Variants in IFT122 observed in about 807,000 individuals in gnomAD.
IFT122 encodes intraflagellar transport 122, also known as intraflagellar transport protein 122 homolog.
In IFT122, 118 loss-of-function variants were observed where a neutral mutation model predicts 161.6. The observed-to-expected ratio is 0.73, with a 90% CI of 0.63 to 0.85. The LOEUF (loss-of-function observed/expected upper bound fraction) is 0.85, where lower values mean the gene tolerates loss of function less well. Ranked by LOEUF, IFT122 falls within the 40% of genes least tolerant of loss-of-function variation. IFT122 has a pLI of 0.00. For synonymous variants in IFT122, 550 were observed against 602.4 expected, an observed-to-expected ratio of 0.91 and a Z score of 1.27; for missense variants, 1,381 against 1,579.6, an observed-to-expected ratio of 0.87 and a Z score of 2.13.
At chr3:129,492,263 C>A in intron 17 of IFT122, 69 bp downstream of exon 17, 1 of 1,200,960 alleles carries the variant, frequency 8.3e-7, no homozygotes, top group Non-Finnish European at 1.2e-6. Context: ...GGCAGCCCTT[C>A]TAACAGGCAA....
rs769357574 is a variant in IFT122 at position 129,482,286 on chromosome 3, G to A, written c.1653+592G>A. On this transcript the variant is annotated intron_variant, in intron 14 of 29. Transcript: ENST00000348417. ...ATCCAGCCCTGTGGCCTGAGGAAGTGTGTCACCAGAGAAGACAGCCCGGCA... is the reference window on the plus strand; with the variant it reads ...ATCCAGCCCTGTGGCCTGAGGAAGTATGTCACCAGAGAAGACAGCCCGGCA... 6.6e-5 allele frequency among the ~76,000 whole-genome samples: 10 copies of A among 152,362 alleles called. No individual in the cohort carries two copies. The East Asian group carries it at 9.7e-4, about 15-fold the overall frequency.
chr3:129,440,354 A>G lies in IFT122; in HGVS notation c.24A>G (p.Arg8=), dbSNP rs2072782574. MRAVLTW[R]DKAEHCINDI... Reference sequence around the variant, plus strand: ...TGATGAGGGCCGTGTTGACGTGGAGAGATAAAGCCGAGCACTGGTGAGGAG... The same window carrying G: ...TGATGAGGGCCGTGTTGACGTGGAGGGATAAAGCCGAGCACTGGTGAGGAG... Residue 8 remains arginine (R), a synonymous_variant, in exon 1 of 30, where the codon AGA becomes AGG. Coordinates refer to ENST00000348417, the MANE Select transcript of IFT122 (RefSeq NM_052989.3). 2 of 1,550,776 alleles carry G rather than the reference A, an allele frequency of 1.3e-6. No homozygotes were observed. Among genetic ancestry groups the G allele is most frequent in the African/African-American group, 1.4e-5 (1 of 73,134 alleles).
chr3:129,484,673 C>G (rs1167045492), intron 15 of IFT122, among the ~76,000 whole-genome samples: 1 of 152,168 alleles, frequency 6.6e-6, no homozygotes, highest in African/African-American at 2.4e-5. Context: ...TATGGCAGCC[C>G]CATCACTGTC....
At chr3:129,509,618 T>C (rs2082571859) in intron 23 of IFT122, among the ~76,000 whole-genome samples, 1 of 152,224 alleles carries the variant, frequency 6.6e-6, no homozygotes, top group Non-Finnish European at 1.5e-5. Flanking sequence ...TAATAACTCA[T>C]TAGCAAAAAA....
intron 3 of IFT122, among the ~76,000 whole-genome samples, chr3:129,456,688 G>A (rs1042742775): frequency 6.6e-6 from 1 of 152,068 alleles, no homozygotes; most frequent in Non-Finnish European, 1.5e-5. Flanking sequence ...ACTTTGGAAG[G>A]CGGATCACCT....
Position 129,492,203 on chromosome 3 carries a change from T to A in IFT122, c.2046+9T>A. On this transcript the variant is annotated intron_variant, in intron 17 of 29. Coordinates refer to ENST00000348417, the MANE Select transcript of IFT122 (RefSeq NM_052989.3). ...TCATCAGCAGCATTGAGGTAAAAGA[T>A]GAAGCATTTTTCCTTCTCAAGAAGG... is the stretch of plus-strand genomic sequence containing the variant. 1.2e-6 allele frequency: 2 copies of A among 1,609,162 alleles called. No homozygotes were observed. The highest frequency in any genetic ancestry group is 1.7e-6 in the Non-Finnish European group (2 of 1,175,592).
chr3:129,461,859 A>G (rs1164940720), intron 5 of IFT122, among the ~76,000 whole-genome samples: 1 of 152,234 alleles, frequency 6.6e-6, no homozygotes, highest in Non-Finnish European at 1.5e-5. Flanking sequence ...TAGTACTGGC[A>G]CAAAAGAGGT....
In IFT122 at chr3:129,461,233, A is replaced by G. The variant is rs1284572949; in HGVS notation, c.278A>G (p.Asn93Ser). The G allele has an allele frequency of 9.9e-6, 16 of 1,611,784 alleles. No homozygotes were observed. The highest frequency in any genetic ancestry group is 1.6e-4 in the Middle Eastern group (1 of 6,084). ...TACAGTTGTTTACTTCCCAGGCACA[A>G]TGATGCTATACAATGTGTCTCCTAC... ...KLEGILKYTH[N>S]DAIQCVSYNP... Residue 93 changes from asparagine to serine, a missense_variant, in exon 5 of 30, where the codon AAT becomes AGT. This residue lies in a region of IFT122 where 134 missense variants were observed against 137.4 expected (regional missense o/e 0.98). Coordinates refer to ENST00000348417, the MANE Select transcript of IFT122 (RefSeq NM_052989.3).
rs377087422 is a variant in IFT122 at position 129,466,886 on chromosome 3, A to G, written c.564-4A>G. The G allele has an allele frequency of 3.1e-6, 5 of 1,613,508 alleles. No homozygotes were observed. The highest frequency in any genetic ancestry group is 1.6e-4 in the Middle Eastern group (1 of 6,084). ...AATTTTGAACAACTACTTACTGTCTACAGCCGATGGGAGAGTTTCTGGATG... is the reference window on the plus strand; with the variant it reads ...AATTTTGAACAACTACTTACTGTCTGCAGCCGATGGGAGAGTTTCTGGATG... On this transcript the variant is annotated splice_polypyrimidine_tract_variant and splice_region_variant and intron_variant, in intron 7 of 29. Transcript: ENST00000348417.
At chr3:129,468,282 GAATT>G in intron 8 of IFT122, among the ~76,000 whole-genome samples, 1 of 152,174 alleles carries the variant, frequency 6.6e-6, no homozygotes, top group African/African-American at 2.4e-5. Context: ...AGAAAAGCTG[GAATT>G]AATAAACAAA....
intron 23 of IFT122, among the ~76,000 whole-genome samples, chr3:129,510,473 G>T (rs1287308760): frequency 1.3e-5 from 2 of 152,172 alleles, no homozygotes; most frequent in African/African-American, 4.8e-5. Context: ...CCCCCTCAGG[G>T]TCCCTCATCT....
chr3:129,508,462 C>T (rs1366771564), intron 23 of IFT122, among the ~76,000 whole-genome samples: 1 of 152,192 alleles, frequency 6.6e-6, no homozygotes, highest in African/African-American at 2.4e-5. Context: ...GAAGGACTGT[C>T]ACCCCCATGT....
intron 5 of IFT122, among the ~76,000 whole-genome samples, chr3:129,462,274 T>C (rs1186703735): frequency 6.6e-6 from 1 of 152,212 alleles, no homozygotes; most frequent in Non-Finnish European, 1.5e-5. Flanking sequence ...AAGGAGCTTG[T>C]GGTCTTAGGA....
chr3:129,476,737 C>T lies in IFT122; in HGVS notation c.1083C>T (p.Asp361=). 1 of 1,614,162 alleles carries T rather than the reference C, an allele frequency of 6.2e-7. No homozygotes were observed. Among genetic ancestry groups the T allele is most frequent in the South Asian group, 1.1e-5 (1 of 91,084 alleles). The stretch of plus-strand genomic sequence containing the variant: ...GCACAGTCCATGGGCTTTACAAGGA[C>T]CGCTATGCCTACAGGGATAGCATGA... ...IFSTVHGLYK[D]RYAYRDSMTD... The change falls in exon 11 of 30, where the codon GAC becomes GAT. Residue 361 remains aspartate, a synonymous_variant. Transcript: ENST00000348417.
Position 129,519,643 on chromosome 3 carries a change from A to G in IFT122, c.3547A>G (p.Ile1183Val). Reference sequence around the variant, plus strand: ...CTCCATGAGCCGCCGGGATGTCCTCATCAAGCGATGGCCCCCACCCCTGAG... The same window carrying G: ...CTCCATGAGCCGCCGGGATGTCCTCGTCAAGCGATGGCCCCCACCCCTGAG... ...LRSMSRRDVL[I>V]KRWPPPLRWQ... The change falls in exon 29 of 30, where the codon ATC (isoleucine) becomes GTC (valine). Residue 1183 changes from isoleucine to valine, a missense_variant. Physicochemically the swap from Ile to Val is conservative, Grantham distance 29. Around this residue, in one of 7 missense-constraint regions of IFT122, gnomAD observed 177 missense variants for 199.2 expected, o/e 0.89. Transcript: ENST00000348417. 6.2e-7 allele frequency: 1 copy of G among 1,613,652 alleles called. No individual in the cohort carries two copies. Among genetic ancestry groups the G allele is most frequent in the Non-Finnish European group, 8.5e-7 (1 of 1,179,994 alleles).
intron 27 of IFT122, among the ~76,000 whole-genome samples, chr3:129,518,639 T>C (rs55829132): frequency 0.088 from 13,445 of 152,224 alleles, 666 homozygotes; most frequent in South Asian, 0.13. Context: ...TGGGCCTCCC[T>C]GCAGGACCCC....
chr3:129,447,203 A>G (rs2074119777), intron 1 of IFT122, among the ~76,000 whole-genome samples: 1 of 152,200 alleles, frequency 6.6e-6, no homozygotes, highest in Non-Finnish European at 1.5e-5. Context: ...CCAGTGACAC[A>G]GCCCTCAGGA....
At chr3:129,500,203 C>A (rs2081362421) in intron 19 of IFT122, 135 bp downstream of exon 19, 2 of 1,068,456 alleles carry the variant, frequency 1.9e-6, no homozygotes, top group Non-Finnish European at 2.8e-6. Flanking sequence ...CTTCAGGAGA[C>A]ACAGAGATTG....
Position 129,506,405 on chromosome 3 carries a change from A to G in IFT122, c.2651-4A>G, listed in dbSNP as rs773736175. The stretch of plus-strand genomic sequence containing the variant: ...CTTTTTTCCTCCCTCCACCACTCCT[A>G]CAGCGTTCCACAAGGCTGGGCGACA... On this transcript the variant is annotated splice_region_variant and splice_polypyrimidine_tract_variant and intron_variant, in intron 21 of 29. Coordinates refer to ENST00000348417, the MANE Select transcript of IFT122 (RefSeq NM_052989.3). 10 of 1,613,518 alleles carry G rather than the reference A, an allele frequency of 6.2e-6. No homozygotes were observed. Among genetic ancestry groups the G allele is most frequent in the African/African-American group, 4.0e-5 (3 of 74,870 alleles).
Sources: gnomAD v4.1 joint callset for allele counts (sites outside exome capture counted in the v4.1 genomes callset) on GRCh38, gnomAD v4.1.1 for gene constraint, gnomAD v4.1.1 regional missense constraint, MANE v1.5 for transcripts, NCBI Gene and HGNC (gene_info 2026-07-23, HGNC 2026-07-21) for gene names.